Variants in ANK1 observed in about 807,000 individuals in gnomAD.
ANK1 encodes the protein ankyrin-1.
In ANK1, 51 loss-of-function variants were observed where a neutral mutation model predicts 210.4. That is an observed-to-expected ratio of 0.24 (90% CI 0.19 to 0.31). The LOEUF (loss-of-function observed/expected upper bound fraction) is 0.31. Among genes scored for constraint, ANK1 ranks in the 10% least tolerant of loss-of-function variants. The pLI, the probability that ANK1 is intolerant of heterozygous loss-of-function variation, is 1.00. For synonymous variants in ANK1, 967 were observed against 1,025.9 expected (o/e 0.94, Z 1.10); for missense variants, 2,051 against 2,504.4 (o/e 0.82, Z 3.86).
chr8:41,687,012 C>T (rs1490839256), intron 35 of ANK1, among the ~76,000 whole-genome samples: 1 of 152,172 alleles, frequency 6.6e-6, no homozygotes, highest in Non-Finnish European at 1.5e-5. Flanking sequence ...CACATGCACA[C>T]ACACGCCCCC....
At chr8:41,779,398 C>T (rs61497681) in intron 1 of ANK1, among the ~76,000 whole-genome samples, 5,629 of 152,134 alleles carry the variant, frequency 0.037, 346 homozygotes, top group African/African-American at 0.13. Context: ...CAGGTGAGCA[C>T]CACCACACCT....
At chr8:41,777,611 A>AAAACAAAC (rs200293743) in intron 1 of ANK1, among the ~76,000 whole-genome samples, 2 of 151,334 alleles carry the variant, frequency 1.3e-5, no homozygotes, top group African/African-American at 2.4e-5. Context: ...ACAATAAATA[A>AAAACAAAC]AAACAAACAA....
intron 1 of ANK1, among the ~76,000 whole-genome samples, chr8:41,805,409 T>A (rs1563815909): frequency 6.6e-6 from 1 of 152,012 alleles, no homozygotes; most frequent in Non-Finnish European, 1.5e-5. Flanking sequence ...ACCCAGCTAA[T>A]TTTTTTAATT....
intron 2 of ANK1, among the ~76,000 whole-genome samples, chr8:41,749,617 CT>C (rs368621785): frequency 9.9e-4 from 123 of 123,628 alleles, no homozygotes; most frequent in South Asian, 1.1e-3. Context: ...ACTTCTTCTT[CT>C]TTTTTTTTTT....
intron 1 of ANK1, among the ~76,000 whole-genome samples, chr8:41,816,407 A>G (rs1200498065): frequency 1.3e-5 from 2 of 152,168 alleles, no homozygotes. Flanking sequence ...ACAATTCTGA[A>G]GACTTGCCTG....
At chr8:41,888,479 A>G (rs965012462) in intron 1 of ANK1, among the ~76,000 whole-genome samples, 4 of 152,216 alleles carry the variant, frequency 2.6e-5, no homozygotes, top group African/African-American at 7.2e-5. Flanking sequence ...AGGCTCATCC[A>G]TTCACACCAC....
chr8:41,741,904 G>C (rs1834889006), intron 2 of ANK1, among the ~76,000 whole-genome samples: 1 of 152,180 alleles, frequency 6.6e-6, no homozygotes, highest in Admixed American at 6.5e-5. Flanking sequence ...TAACATAGGA[G>C]ATAACCTTTT....
Position 41,727,394 on chromosome 8 carries a change from G to T in ANK1, c.328-46C>A, listed in dbSNP as rs1315096169. ...TCATTAGCATCCACCCGCAATTTAAGAAAGGCCTACACCAGCACAACGTCC... is the reference window on the plus strand; with the variant it reads ...TCATTAGCATCCACCCGCAATTTAATAAAGGCCTACACCAGCACAACGTCC... On this transcript the variant is annotated intron_variant, in intron 4 of 42. Coordinates refer to ENST00000289734, the MANE Select transcript of ANK1 (RefSeq NM_000037.4). The T allele has an allele frequency of 2.9e-6, 4 of 1,397,058 alleles. No homozygotes were observed. The South Asian group carries it at 3.5e-5, about 12-fold the overall frequency. 86.5% of individuals were successfully genotyped at this position (1,397,058 alleles called of 1,614,324 possible).
intron 1 of ANK1, among the ~76,000 whole-genome samples, chr8:41,771,284 A>G (rs1435174900): frequency 6.6e-6 from 1 of 152,178 alleles, no homozygotes; most frequent in Admixed American, 6.5e-5. Flanking sequence ...TTGATCTGGC[A>G]TATAGACCAC....
chr8:41,830,651 G>A (rs1310725199), intron 1 of ANK1, among the ~76,000 whole-genome samples: 1 of 152,134 alleles, frequency 6.6e-6, no homozygotes, highest in East Asian at 1.9e-4. Context: ...AGGGCTTTCG[G>A]GGATAGGACC....
intron 1 of ANK1, among the ~76,000 whole-genome samples, chr8:41,783,009 C>T (rs1266395135): frequency 2.6e-5 from 4 of 152,210 alleles, no homozygotes; most frequent in African/African-American, 9.6e-5. Context: ...CTCATTTCCA[C>T]AGAGAGCTGT....
rs775372715 is a variant in ANK1, at chr8:41,702,157, C to T, written c.2296-13G>A. The T allele has an allele frequency of 6.2e-7, 1 of 1,610,796 alleles. No homozygotes were observed. The highest frequency in any genetic ancestry group is 8.5e-7 in the Non-Finnish European group (1 of 1,177,184). On this transcript the variant is annotated splice_polypyrimidine_tract_variant and intron_variant, in intron 20 of 42. Transcript: ENST00000289734. ...GTGTGGTTCCATCCTGGGGAAAGAG[C>T]AGCCCGGGTGCAGTCAGACAGGGGA...
chr8:41,886,427 A>G (rs1042542196), intron 1 of ANK1, among the ~76,000 whole-genome samples: 4 of 152,250 alleles, frequency 2.6e-5, no homozygotes, highest in African/African-American at 9.6e-5. Context: ...AAAGCCAGCC[A>G]GTAAACATCT....
intron 36 of ANK1, among the ~76,000 whole-genome samples, chr8:41,685,295 C>T (rs919711360): frequency 6.6e-6 from 1 of 152,320 alleles, no homozygotes; most frequent in East Asian, 1.9e-4. Context: ...AAGAGGAGCA[C>T]TACAAGAAAA....
At position 41,692,634 on chromosome 8, in the gene ANK1, C is replaced by T. The variant is rs760752935; in HGVS notation, c.3858+14G>A. 1.2e-6 allele frequency: 2 copies of T among 1,609,566 alleles called. No individual in the cohort carries two copies. Among genetic ancestry groups the T allele is most frequent in the East Asian group, 2.2e-5 (1 of 44,882 alleles). On this transcript the variant is annotated intron_variant, in intron 31 of 42. Transcript: ENST00000289734. Reference sequence around the variant, plus strand: ...GGTTTGTCCCAGAGGCGGTGCAGGGCCCAGCCCTGTTACCTCTATGTCCCT... The same window carrying T: ...GGTTTGTCCCAGAGGCGGTGCAGGGTCCAGCCCTGTTACCTCTATGTCCCT...
In ANK1 at chr8:41,655,604, C is replaced by T. The variant is rs1805380069; in HGVS notation, c.*186G>A. 13 of 1,221,118 alleles carry T rather than the reference C, an allele frequency of 1.1e-5. 1 individual carries two copies. In the South Asian group the frequency reaches 1.6e-4, roughly 15 times the overall value. 75.6% of individuals were successfully genotyped at this position (1,221,118 alleles called of 1,614,324 possible). ...TGCGTCTACAGTCAGTCATTCATGC[C>T]AAGAGGGGACTAGCAGGAGTCCCTT... On this transcript the variant is annotated 3_prime_UTR_variant, in exon 43 of 43. Transcript: ENST00000289734.
At chr8:41,784,714 G>A (rs188723484) in intron 1 of ANK1, among the ~76,000 whole-genome samples, 2 of 152,278 alleles carry the variant, frequency 1.3e-5, no homozygotes, top group East Asian at 3.9e-4. Flanking sequence ...CATGGTGAAG[G>A]TTTTGCAAAT....
chr8:41,749,763 C>A (rs1341296457), intron 2 of ANK1, among the ~76,000 whole-genome samples: 1 of 152,040 alleles, frequency 6.6e-6, no homozygotes, highest in Non-Finnish European at 1.5e-5. Flanking sequence ...CAGGCATGCG[C>A]CACAACGCTT....
chr8:41,726,596 A>T (rs988467424), intron 5 of ANK1, among the ~76,000 whole-genome samples: 2 of 152,162 alleles, frequency 1.3e-5, no homozygotes, highest in African/African-American at 4.8e-5. Flanking sequence ...TGTGTTGCCC[A>T]GGCTGGTCTT....
Sources: gnomAD v4.1 joint callset for allele counts (sites outside exome capture counted in the v4.1 genomes callset) on GRCh38, gnomAD v4.1.1 for gene constraint, MANE v1.5 for transcripts, NCBI Gene and HGNC (gene_info 2026-07-23, HGNC 2026-07-21) for gene names.